The following CDC123 variants were observed in gnomAD, a reference collection of about 807,000 sequenced individuals.
The protein encoded by CDC123 is cell division cycle 123.
CDC123 carries 37 observed loss-of-function variants against 54.4 expected under a neutral mutation model. That is an observed-to-expected ratio of 0.68 (90% CI 0.52 to 0.89). The LOEUF (loss-of-function observed/expected upper bound fraction) is 0.89, where lower values mean the gene tolerates loss of function less well. CDC123 is among the 40% of genes least tolerant of loss of function. The pLI, the probability that CDC123 is intolerant of heterozygous loss-of-function variation, is 0.00. For missense variants in CDC123, 361 were observed against 412.1 expected, an observed-to-expected ratio of 0.88 and a Z score of 1.07; for synonymous variants, 144 against 136.8, an observed-to-expected ratio of 1.05 and a Z score of -0.37.
intron 6 of CDC123, among the ~76,000 whole-genome samples, chr10:12,227,618 C>T (rs926610189): frequency 1.3e-5 from 2 of 151,986 alleles, no homozygotes; most frequent in African/African-American, 2.4e-5. Context: ...GTGCCTCAGC[C>T]TCCCAAGTAG....
At chr10:12,229,697 A>G (rs1246850376) in intron 6 of CDC123, among the ~76,000 whole-genome samples, 1 of 152,232 alleles carries the variant, frequency 6.6e-6, no homozygotes, top group African/African-American at 2.4e-5. Context: ...AGTCTTCATC[A>G]TTTTAACATT....
intron 6 of CDC123, among the ~76,000 whole-genome samples, chr10:12,218,861 C>T (rs1418002027): frequency 6.6e-6 from 1 of 152,176 alleles, no homozygotes; most frequent in African/African-American, 2.4e-5. Flanking sequence ...CCTGCTGAGC[C>T]GCAGGTGCTC....
intron 10 of CDC123, 69 bp from the exon 11 acceptor site, chr10:12,246,080 A>G: frequency 1.3e-6 from 2 of 1,531,590 alleles, no homozygotes; most frequent in South Asian, 1.2e-5. Flanking sequence ...AGAATAAAAA[A>G]GTGTTTCTTT....
intron 4 of CDC123, among the ~76,000 whole-genome samples, chr10:12,212,151 GGT>G (rs1165382183): frequency 6.6e-6 from 1 of 152,070 alleles, no homozygotes; most frequent in Non-Finnish European, 1.5e-5. Flanking sequence ...ATAATATAAA[GGT>G]GTGTGTGTGT....
At chr10:12,209,605 G>T (rs1397534071) in intron 2 of CDC123, among the ~76,000 whole-genome samples, 1 of 151,964 alleles carries the variant, frequency 6.6e-6, no homozygotes, top group Non-Finnish European at 1.5e-5. Context: ...TTGTCACCCA[G>T]GCTGGAGTGC....
intron 7 of CDC123, among the ~76,000 whole-genome samples, chr10:12,234,552 G>T (rs912612226): frequency 1.3e-5 from 2 of 152,076 alleles, no homozygotes; most frequent in African/African-American, 4.8e-5. Context: ...TCCTCAAGGG[G>T]TGCAGAACAT....
intron 10 of CDC123, among the ~76,000 whole-genome samples, chr10:12,244,350 A>C (rs1836099422): frequency 6.6e-6 from 1 of 152,276 alleles, no homozygotes; most frequent in South Asian, 2.1e-4. Flanking sequence ...GAGAAAAGTG[A>C]AAAGGAGCAA....
intron 1 of CDC123, among the ~76,000 whole-genome samples, chr10:12,198,335 C>T (rs1335431428): frequency 6.6e-6 from 1 of 152,142 alleles, no homozygotes. Context: ...TGCTAGTCAT[C>T]TTCTAGTTGG....
At chr10:12,238,344 CAG>C in intron 9 of CDC123, 111 bp from the exon 10 acceptor site, 1 of 1,210,324 alleles carries the variant, frequency 8.3e-7, no homozygotes, top group Non-Finnish European at 1.1e-6. Flanking sequence ...ATGAAGTCCT[CAG>C]GGTCATTTAT....
chr10:12,217,682 C>T (rs767995922), intron 6 of CDC123, among the ~76,000 whole-genome samples: 68 of 152,180 alleles, frequency 4.5e-4, no homozygotes, highest in Non-Finnish European at 7.8e-4. Context: ...GGACTTCCTG[C>T]GTCTCTGCCC....
At chr10:12,236,340 T>C (rs1329400077) in intron 8 of CDC123, among the ~76,000 whole-genome samples, 1 of 152,184 alleles carries the variant, frequency 6.6e-6, no homozygotes, top group African/African-American at 2.4e-5. Flanking sequence ...GGCTCACACC[T>C]GTAATCCCAA....
intron 2 of CDC123, among the ~76,000 whole-genome samples, chr10:12,203,613 G>A (rs1835473511): frequency 6.6e-6 from 1 of 152,142 alleles, no homozygotes; most frequent in African/African-American, 2.4e-5. Context: ...TAGAGACAGT[G>A]ATTCAATTTC....
intron 7 of CDC123, among the ~76,000 whole-genome samples, chr10:12,232,569 C>T (rs1264280028): frequency 6.6e-6 from 1 of 152,124 alleles, no homozygotes; most frequent in East Asian, 1.9e-4. Context: ...ATTACTAGAT[C>T]TTAGAGTGCT....
At chr10:12,211,007 C>T (rs1056781661) in intron 4 of CDC123, among the ~76,000 whole-genome samples, 1 of 152,054 alleles carries the variant, frequency 6.6e-6, no homozygotes, top group Non-Finnish European at 1.5e-5. Flanking sequence ...TGGCCTCAAG[C>T]GTATTTAAAT....
intron 4 of CDC123, 41 bp from the exon 5 acceptor site, chr10:12,215,699 G>A (rs1385629927): frequency 8.4e-7 from 1 of 1,192,452 alleles, no homozygotes; most frequent in Non-Finnish European, 1.2e-6. Flanking sequence ...TATATACTGT[G>A]ATGATATTGA....
At chr10:12,221,903 C>T (rs1835742647) in intron 6 of CDC123, among the ~76,000 whole-genome samples, 2 of 152,094 alleles carry the variant, frequency 1.3e-5, no homozygotes, top group African/African-American at 2.4e-5. Context: ...AAAGTTTGGA[C>T]ACCCCTGGTT....
In CDC123 at chr10:12,237,053, A is replaced by T. The variant is rs1835986994; in HGVS notation, c.566-91A>T. 11 of 1,384,708 alleles carry T rather than the reference A, an allele frequency of 7.9e-6. No homozygotes were observed. In the Middle Eastern group the frequency reaches 1.4e-3, roughly 171 times the overall value. 85.8% of individuals were successfully genotyped at this position (1,384,708 alleles called of 1,614,324 possible). A position where few individuals can be genotyped will look rare whatever the true frequency, so the allele number is the denominator to read the frequency against. On this transcript the variant is annotated intron_variant, in intron 8 of 12. Coordinates refer to ENST00000281141, the MANE Select transcript of CDC123 (RefSeq NM_006023.3). ...CAGGGTGATCTTCTAATCTACTTTA[A>T]TGGTTCTTTCCACAAAATGTTTAAA...
intron 8 of CDC123, 62 bp from the exon 9 acceptor site, chr10:12,237,082 C>A: frequency 7.0e-7 from 1 of 1,437,502 alleles, no homozygotes; most frequent in South Asian, 1.7e-5. Flanking sequence ...GTTTAAATCA[C>A]GTATTGATGT....
At chr10:12,244,076 G>A (rs187772369) in intron 10 of CDC123, among the ~76,000 whole-genome samples, 1 of 152,292 alleles carries the variant, frequency 6.6e-6, no homozygotes, top group African/African-American at 2.4e-5. Flanking sequence ...AAAACATCCT[G>A]CGAAAACATC....
Sources: allele counts gnomAD v4.1 joint callset (sites outside exome capture counted in the v4.1 genomes callset), GRCh38; gene constraint gnomAD v4.1.1; transcripts MANE v1.5; gene names NCBI Gene and HGNC (gene_info 2026-07-23, HGNC 2026-07-21).